Variants in EYS observed in about 807,000 individuals in gnomAD.
The protein encoded by EYS is protein eyes shut homolog.
Under a neutral mutation model 282.1 loss-of-function variants are expected in EYS, and 250 were observed. The observed-to-expected ratio is 0.89, with a 90% CI of 0.80 to 0.98. The LOEUF (loss-of-function observed/expected upper bound fraction) is 0.98, where lower values mean the gene tolerates loss of function less well. Ranked by LOEUF, EYS falls within the 50% of genes least tolerant of loss-of-function variation. EYS has a pLI of 0.00. For synonymous variants in EYS, 1,355 were observed against 1,282.9 expected, an observed-to-expected ratio of 1.06 and a Z score of -1.20; for missense variants, 4,016 against 3,709.0, an observed-to-expected ratio of 1.08 and a Z score of -2.15.
chr6:64,303,709 C>T (rs1187274057), intron 30 of EYS, among the ~76,000 whole-genome samples: 6 of 151,456 alleles, frequency 4.0e-5, no homozygotes, highest in East Asian at 2.0e-4. Flanking sequence ...GGCATGGTGG[C>T]GCGCGCCTGT....
In EYS at chr6:64,416,617, A is replaced by G. The variant is rs530670831; in HGVS notation, c.5927+19557T>C. Reference sequence around the variant, plus strand: ...TCATTTATTCATTAGGCAAAACTTCATAAGTACTTAATGTTTATCACTCAC... The same window carrying G: ...TCATTTATTCATTAGGCAAAACTTCGTAAGTACTTAATGTTTATCACTCAC... On this transcript the variant is annotated intron_variant, in intron 28 of 42. Transcript: ENST00000503581. 4.0e-5 allele frequency among the ~76,000 whole-genome samples: 6 copies of G among 151,350 alleles called. No individual in the cohort carries two copies. In the South Asian group the frequency reaches 1.0e-3, roughly 26 times the overall value.
At chr6:65,461,444 G>T (rs73741584) in intron 5 of EYS, among the ~76,000 whole-genome samples, 185 of 152,156 alleles carry the variant, frequency 1.2e-3, no homozygotes, top group Middle Eastern at 6.8e-3. Context: ...TTATAGTGCT[G>T]AGCTACATCA....
chr6:64,966,312 T>C (rs1254315935), intron 14 of EYS, among the ~76,000 whole-genome samples: 1 of 152,160 alleles, frequency 6.6e-6, no homozygotes, highest in East Asian at 1.9e-4. Context: ...TGTCAAAATC[T>C]AGAAAGAAAT....
chr6:65,541,354 G>T (rs1285923216), intron 2 of EYS, among the ~76,000 whole-genome samples: 2 of 152,054 alleles, frequency 1.3e-5, no homozygotes, highest in African/African-American at 4.8e-5. Context: ...AGAGATTATT[G>T]AATTTTACGA....
intron 11 of EYS, among the ~76,000 whole-genome samples, chr6:65,307,954 G>C (rs1389316414): frequency 6.6e-6 from 1 of 150,612 alleles, no homozygotes; most frequent in African/African-American, 2.4e-5. Flanking sequence ...ATTGAATAAA[G>C]AGCCTTTTAT....
chr6:64,880,845 C>T (rs1766893099), intron 19 of EYS, among the ~76,000 whole-genome samples: 1 of 150,266 alleles, frequency 6.7e-6, no homozygotes, highest in African/African-American at 2.4e-5. Flanking sequence ...TATACACACA[C>T]ACATATATTT....
chr6:64,949,208 TCA>T (rs1236839304), intron 14 of EYS, among the ~76,000 whole-genome samples: 3 of 151,952 alleles, frequency 2.0e-5, no homozygotes, highest in Admixed American at 1.3e-4. Context: ...ATGTATTGTC[TCA>T]CAGTTTCAAT....
chr6:65,471,535 C>T (rs1765218042), intron 5 of EYS, among the ~76,000 whole-genome samples: 1 of 152,154 alleles, frequency 6.6e-6, no homozygotes, highest in Non-Finnish European at 1.5e-5. Flanking sequence ...ACTTGCTTAG[C>T]ATATCACAAC....
At chr6:65,307,720 T>C (rs1359664253) in intron 11 of EYS, among the ~76,000 whole-genome samples, 1 of 139,978 alleles carries the variant, frequency 7.1e-6, no homozygotes, top group East Asian at 2.3e-4. Context: ...TCTGTACCCA[T>C]CATCACCACT....
At chr6:64,791,309 GCACA>G (rs150178061) in intron 22 of EYS, among the ~76,000 whole-genome samples, 2 of 150,952 alleles carry the variant, frequency 1.3e-5, no homozygotes, top group Non-Finnish European at 3.0e-5. Flanking sequence ...ATTAATGCAT[GCACA>G]CACACACACA....
chr6:64,550,805 T>G (rs1430261426), intron 26 of EYS, among the ~76,000 whole-genome samples: 3 of 152,088 alleles, frequency 2.0e-5, no homozygotes, highest in Non-Finnish European at 4.4e-5. Flanking sequence ...CAAGCATTCT[T>G]ATACACCAAT....
In EYS at chr6:64,836,296, TTA is replaced by T. The variant is rs557823141; in HGVS notation, c.2993-13476_2993-13475del. On this transcript the variant is annotated intron_variant, in intron 19 of 42. Transcript: ENST00000503581. ...TATCATGAATATATTATGATTTATT[TTA>T]TATATATATATACACACTATAAATA... Among the ~76,000 whole-genome samples the T allele has an allele frequency of 1.4e-4, 21 of 149,666 alleles. 1 individual carries two copies. Among genetic ancestry groups the T allele is most frequent in the Admixed American group, 5.4e-4 (8 of 14,860 alleles).
chr6:65,238,769 G>A (rs1766987523), intron 12 of EYS, among the ~76,000 whole-genome samples: 1 of 151,746 alleles, frequency 6.6e-6, no homozygotes, highest in Non-Finnish European at 1.5e-5. Flanking sequence ...GCAAAAGGTA[G>A]GAATAGCCAA....
chr6:64,191,210 T>A (rs1409804791), intron 31 of EYS, among the ~76,000 whole-genome samples: 1 of 152,164 alleles, frequency 6.6e-6, no homozygotes, highest in Non-Finnish European at 1.5e-5. Context: ...TTATCTTTTT[T>A]AAATTGTTAC....
At chr6:64,602,310 C>T (rs1007298478) in intron 24 of EYS, among the ~76,000 whole-genome samples, 1 of 151,988 alleles carries the variant, frequency 6.6e-6, no homozygotes, top group African/African-American at 2.4e-5. Flanking sequence ...GTTGAGCAAG[C>T]AAAATGTAAG....
chr6:65,212,726 C>T lies in EYS; in HGVS notation c.2023+83137G>A, dbSNP rs150816830. On this transcript the variant is annotated intron_variant, in intron 12 of 42. Coordinates refer to ENST00000503581, the MANE Select transcript of EYS (RefSeq NM_001142800.2). ...TTTTTAGAAAATAAGGAGAGATGCT[C>T]TTGAAAATTTATGTATAAGAAGAGT... Among the ~76,000 whole-genome samples the T allele has an allele frequency of 2.1e-4, 32 of 152,086 alleles. No homozygotes were observed. In the East Asian group the frequency reaches 4.4e-3, roughly 21 times the overall value.
At chr6:65,057,816 C>T (rs1431701394) in intron 12 of EYS, 89 bp from the exon 13 acceptor site, 5 of 900,802 alleles carry the variant, frequency 5.6e-6, no homozygotes, top group Non-Finnish European at 8.9e-6. Context: ...AGCCTTTAAT[C>T]CACTTAGGAT....
chr6:65,416,162 T>G (rs903451962), intron 5 of EYS, among the ~76,000 whole-genome samples: 1 of 151,994 alleles, frequency 6.6e-6, no homozygotes, highest in African/African-American at 2.4e-5. Flanking sequence ...CCAACAGAAT[T>G]TGGAATCCTA....
chr6:65,617,800 G>T (rs1347095104), intron 2 of EYS, among the ~76,000 whole-genome samples: 7 of 150,726 alleles, frequency 4.6e-5, no homozygotes, highest in Non-Finnish European at 1.0e-4. Context: ...AGAATATGTG[G>T]TGTTTGGTTT....
Sources: allele counts gnomAD v4.1 joint callset (sites outside exome capture counted in the v4.1 genomes callset), GRCh38; gene constraint gnomAD v4.1.1; transcripts MANE v1.5; gene names NCBI Gene and HGNC (gene_info 2026-07-23, HGNC 2026-07-21).